Variants in ZNF516 observed in about 807,000 individuals in gnomAD.
ZNF516 encodes the protein zinc finger protein 516.
ZNF516 carries 19 observed loss-of-function variants against 79.7 expected under a neutral mutation model. That is an observed-to-expected ratio of 0.24 (90% confidence interval 0.17 to 0.35). ZNF516 has a LOEUF of 0.35. ZNF516 is among the 10% of genes least tolerant of loss of function. ZNF516 has a pLI of 1.00. For missense variants in ZNF516, 1,678 were observed against 1,679.5 expected, an observed-to-expected ratio of 1.00 and a Z score of 0.02; for synonymous variants, 877 against 739.5, an observed-to-expected ratio of 1.19 and a Z score of -3.02.
At chr18:76,463,691 G>A (rs1447146902) in intron 1 of ZNF516, among the ~76,000 whole-genome samples, 3 of 152,200 alleles carry the variant, frequency 2.0e-5, no homozygotes, top group Non-Finnish European at 2.9e-5. Context: ...GTCTGTGACC[G>A]CAACGCAGAC....
chr18:76,481,008 A>G (rs1026760453), intron 1 of ZNF516, among the ~76,000 whole-genome samples: 3 of 152,160 alleles, frequency 2.0e-5, no homozygotes, highest in African/African-American at 7.2e-5. Context: ...CCTTTAGGGA[A>G]AACGTTTGCT....
At chr18:76,413,081 G>T (rs2075391083) in intron 3 of ZNF516, among the ~76,000 whole-genome samples, 2 of 152,234 alleles carry the variant, frequency 1.3e-5, no homozygotes, top group African/African-American at 4.8e-5. Context: ...GGAAGCGGAG[G>T]CAGAAACGAA....
chr18:76,362,507 CT>C lies in ZNF516; in HGVS notation c.3482del (p.Lys1161ArgfsTer15). On this transcript the variant is annotated frameshift_variant, in exon 7 of 7. Transcript: ENST00000443185. LOFTEE classifies it high-confidence loss of function. ...CGTCGGAAACACGCCTTTAGGTTCCCTTTCTCAGAGGCACTGTCTGGACGGT... is the reference window on the plus strand; with the variant it reads ...CGTCGGAAACACGCCTTTAGGTTCCCTTCTCAGAGGCACTGTCTGGACGGT... ...TGTVQTVPLR[K>X]GT 2.5e-6 allele frequency: 4 copies of C among 1,613,310 alleles called. No individual in the cohort carries two copies. The highest frequency in any genetic ancestry group is 3.4e-6 in the Non-Finnish European group (4 of 1,179,362).
At chr18:76,408,163 C>T in intron 3 of ZNF516, among the ~76,000 whole-genome samples, 1 of 152,180 alleles carries the variant, frequency 6.6e-6, no homozygotes, top group East Asian at 1.9e-4. Context: ...GGACCCAGAG[C>T]CTTGGAGGGA....
At chr18:76,412,234 G>T (rs151149806) in intron 3 of ZNF516, among the ~76,000 whole-genome samples, 13 of 152,236 alleles carry the variant, frequency 8.5e-5, no homozygotes, top group Non-Finnish European at 5.9e-5. Flanking sequence ...GAAGGTCGCC[G>T]TGCTGACTGC....
intron 1 of ZNF516, among the ~76,000 whole-genome samples, chr18:76,469,994 G>A (rs540932064): frequency 2.0e-4 from 30 of 152,312 alleles, no homozygotes; most frequent in African/African-American, 6.3e-4. Context: ...GCATTGTTAA[G>A]TAAATAATCT....
chr18:76,448,824 A>G (rs1042254412), intron 2 of ZNF516, among the ~76,000 whole-genome samples: 1 of 152,272 alleles, frequency 6.6e-6, no homozygotes, highest in East Asian at 1.9e-4. Flanking sequence ...AAGGAACTCA[A>G]AGTCAGACAG....
chr18:76,454,115 T>C (rs1322904400), intron 2 of ZNF516, among the ~76,000 whole-genome samples: 2 of 152,196 alleles, frequency 1.3e-5, no homozygotes, highest in Admixed American at 6.5e-5. Flanking sequence ...AGAGAGATAA[T>C]TGTATGCAGT....
At chr18:76,363,230 A>C (rs1490823168) in intron 6 of ZNF516, among the ~76,000 whole-genome samples, 1 of 152,252 alleles carries the variant, frequency 6.6e-6, no homozygotes, top group East Asian at 1.9e-4. Context: ...CTGAGGACAG[A>C]AACAGTATGG....
intron 2 of ZNF516, among the ~76,000 whole-genome samples, chr18:76,454,266 G>A (rs1261187870): frequency 6.6e-6 from 1 of 152,180 alleles, no homozygotes; most frequent in Non-Finnish European, 1.5e-5. Flanking sequence ...CAAATTCTAA[G>A]CAATTGCTTA....
chr18:76,406,444 A>G (rs2075305901), intron 3 of ZNF516, among the ~76,000 whole-genome samples: 1 of 152,142 alleles, frequency 6.6e-6, no homozygotes, highest in East Asian at 1.9e-4. Flanking sequence ...CACGCCTGTA[A>G]TCCCAGCTAC....
chr18:76,394,997 T>A lies in ZNF516; in HGVS notation c.1811-14694A>T, dbSNP rs2075125362. ...TATCCCAGGTCTGCATTTTTCAAAC[T>A]CAGTCCCGATTCCAACTCCTTCTGC... On this transcript the variant is annotated intron_variant, in intron 3 of 6. Transcript: ENST00000443185. 2.0e-5 allele frequency among the ~76,000 whole-genome samples: 3 copies of A among 152,158 alleles called. No individual in the cohort carries two copies. The South Asian group carries it at 6.2e-4, about 31-fold the overall frequency.
chr18:76,471,463 C>A (rs1283483948), intron 1 of ZNF516, among the ~76,000 whole-genome samples: 2 of 152,120 alleles, frequency 1.3e-5, no homozygotes, highest in Non-Finnish European at 2.9e-5. Flanking sequence ...TCTTCTTTGG[C>A]CCTCGTTTTT....
At chr18:76,381,608 G>A (rs947301634) in intron 3 of ZNF516, among the ~76,000 whole-genome samples, 14 of 152,310 alleles carry the variant, frequency 9.2e-5, no homozygotes, top group Non-Finnish European at 1.0e-4. Context: ...TCTTCATCAG[G>A]GTGAGACAGC....
chr18:76,429,689 A>G (rs2075638509), intron 3 of ZNF516, among the ~76,000 whole-genome samples: 1 of 152,216 alleles, frequency 6.6e-6, no homozygotes, highest in Non-Finnish European at 1.5e-5. Flanking sequence ...CAGCAGCAGC[A>G]TCCCCCAAAT....
intron 1 of ZNF516, chr18:76,490,662 C>A: frequency 1.8e-6 from 1 of 568,332 alleles, no homozygotes; most frequent in Non-Finnish European, 2.2e-6. Flanking sequence ...GAACGTACAT[C>A]ACTCAGCTTT....
At chr18:76,488,528 G>T (rs1914967791) in intron 1 of ZNF516, among the ~76,000 whole-genome samples, 1 of 141,416 alleles carries the variant, frequency 7.1e-6, no homozygotes, top group African/African-American at 3.1e-5. Context: ...TTTTGAGGGG[G>T]AGGGGGAGGG....
intron 2 of ZNF516, 137 bp downstream of exon 2, chr18:76,462,891 T>C (rs1167867685): frequency 1.3e-5 from 2 of 152,198 alleles, no homozygotes; most frequent in African/African-American, 4.8e-5. Flanking sequence ...ACCATCATTT[T>C]ACATTTTTCT....
At chr18:76,430,494 T>C (rs2075648213) in intron 3 of ZNF516, among the ~76,000 whole-genome samples, 1 of 152,212 alleles carries the variant, frequency 6.6e-6, no homozygotes, top group African/African-American at 2.4e-5. Flanking sequence ...ATAATGTCTA[T>C]ATTGGAATCA....
Sources: gnomAD v4.1 joint callset for allele counts (sites outside exome capture counted in the v4.1 genomes callset) on GRCh38, gnomAD v4.1.1 for gene constraint, MANE v1.5 for transcripts, NCBI Gene and HGNC (gene_info 2026-07-23, HGNC 2026-07-21) for gene names.